Variants in VWA8 observed in about 807,000 individuals in gnomAD.
VWA8 encodes the protein von Willebrand factor A domain-containing protein 8.
Under a neutral mutation model 241.5 loss-of-function variants are expected in VWA8, and 221 were observed. The observed-to-expected ratio is 0.91, with a 90% CI of 0.82 to 1.02. The LOEUF is 1.02. Ranked by LOEUF, VWA8 falls within the 50% of genes least tolerant of loss-of-function variation. The pLI is 0.00. For synonymous variants in VWA8, 852 were observed against 827.1 expected (o/e 1.03, Z -0.52); for missense variants, 2,322 against 2,328.7 (o/e 1.00, Z 0.06).
At chr13:41,949,031 TAAAAAAAAAAAAAA>T (rs35506856) in intron 2 of VWA8, among the ~76,000 whole-genome samples, 1 of 63,390 alleles carries the variant, frequency 1.6e-5, no homozygotes, top group Non-Finnish European at 2.9e-5. Flanking sequence ...TCTACCATCA[TAAAAAAAAAAAAAA>T]AAAAAAAAAA....
At position 41,948,822 on chromosome 13, in the gene VWA8, T is replaced by A. The variant is rs1195707191; in HGVS notation, c.241+1114A>T. Among the ~76,000 whole-genome samples the A allele has an allele frequency of 2.0e-5, 3 of 152,072 alleles. No homozygotes were observed. The South Asian group carries it at 6.2e-4, about 32-fold the overall frequency. ...TTCAAATGAAAGCCATCCAAATGTC[T>A]ATCAATAGGAGAATGGATAAACAAA... is the stretch of plus-strand genomic sequence containing the variant. On this transcript the variant is annotated intron_variant, in intron 2 of 44. Coordinates refer to ENST00000379310, the MANE Select transcript of VWA8 (RefSeq NM_015058.2).
Position 41,918,337 on chromosome 13 carries a change from T to C in VWA8, c.242-6169A>G, listed in dbSNP as rs543856228. On this transcript the variant is annotated intron_variant, in intron 2 of 44. Coordinates refer to ENST00000379310, the MANE Select transcript of VWA8 (RefSeq NM_015058.2). ...AGCACAGTGCTCAGCACAGAGAAGA[T>C]ATTCAGCTTTTCTTAAAATTGGAAA... Among the ~76,000 whole-genome samples, 12 of 152,240 alleles carry C rather than the reference T, an allele frequency of 7.9e-5. No individual in the cohort carries two copies. In the East Asian group the frequency reaches 1.7e-3, roughly 22 times the overall value.
intron 13 of VWA8, 107 bp from the exon 14 acceptor site, chr13:41,830,749 G>A (rs752292172): frequency 2.6e-5 from 24 of 918,660 alleles, no homozygotes; most frequent in Non-Finnish European, 3.4e-5. Context: ...TGGCAATTGA[G>A]TCTAATAATT....
chr13:41,684,736 G>C (rs1203803836), intron 35 of VWA8, among the ~76,000 whole-genome samples: 1 of 152,134 alleles, frequency 6.6e-6, no homozygotes, highest in African/African-American at 2.4e-5. Context: ...ACAAAAGGCA[G>C]GCCTCAGTTT....
At chr13:41,574,659 A>G (rs915869189) in intron 43 of VWA8, among the ~76,000 whole-genome samples, 3 of 152,188 alleles carry the variant, frequency 2.0e-5, no homozygotes, top group African/African-American at 7.2e-5. Flanking sequence ...ATCACATTAC[A>G]GGGCTTTAAA....
chr13:41,664,205 A>G (rs745394063), intron 37 of VWA8, among the ~76,000 whole-genome samples: 1 of 152,084 alleles, frequency 6.6e-6, no homozygotes, highest in Non-Finnish European at 1.5e-5. Context: ...TATAAATTCT[A>G]GCCGGAAATC....
At chr13:41,634,937 T>C (rs1362620915) in intron 37 of VWA8, among the ~76,000 whole-genome samples, 1 of 152,180 alleles carries the variant, frequency 6.6e-6, no homozygotes, top group African/African-American at 2.4e-5. Flanking sequence ...CTTGATGTCA[T>C]GGAAGAAACA....
chr13:41,926,479 G>A (rs1483262696), intron 2 of VWA8: 12 of 525,752 alleles, frequency 2.3e-5, no homozygotes, highest in East Asian at 9.9e-5. Context: ...GAATTGCTCC[G>A]GAACTCTATC....
At chr13:41,767,500 C>T (rs2045786994) in intron 20 of VWA8, among the ~76,000 whole-genome samples, 1 of 152,104 alleles carries the variant, frequency 6.6e-6, no homozygotes, top group Non-Finnish European at 1.5e-5. Flanking sequence ...TGCTAATGAT[C>T]ACTGGAAATT....
chr13:41,904,615 G>T (rs1875615449), intron 4 of VWA8, among the ~76,000 whole-genome samples: 1 of 152,048 alleles, frequency 6.6e-6, no homozygotes, highest in African/African-American at 2.4e-5. Context: ...GCAATCAAAA[G>T]CTGTATGCTT....
chr13:41,692,291 A>T (rs888857893), intron 30 of VWA8, among the ~76,000 whole-genome samples: 2 of 149,068 alleles, frequency 1.3e-5, no homozygotes, highest in African/African-American at 5.2e-5. Context: ...TTATGACATT[A>T]AAAAAAATCA....
Position 41,689,429 on chromosome 13 carries a change from C to CT in VWA8, c.4055dup (p.Ile1353AspfsTer11). ...AGAGAATTCTGTTGGGAGAGGCAAT[C>CT]TTTTGTTCCACAGCTGAACTTAGAT... On this transcript the variant is annotated frameshift_variant, in exon 34 of 45. Coordinates refer to ENST00000379310, the MANE Select transcript of VWA8 (RefSeq NM_015058.2). LOFTEE classifies it high-confidence loss of function. 1 of 1,612,104 alleles carries CT rather than the reference C, an allele frequency of 6.2e-7. No individual in the cohort carries two copies. Among genetic ancestry groups the CT allele is most frequent in the Non-Finnish European group, 8.5e-7 (1 of 1,179,152 alleles).
chr13:41,868,946 A>AT (rs757393432), intron 9 of VWA8, among the ~76,000 whole-genome samples: 3 of 151,492 alleles, frequency 2.0e-5, no homozygotes, highest in African/African-American at 4.8e-5. Flanking sequence ...GTTAACGAAA[A>AT]TTTTTTTCTA....
chr13:41,877,714 T>G (rs186859746), intron 9 of VWA8, among the ~76,000 whole-genome samples: 1 of 152,250 alleles, frequency 6.6e-6, no homozygotes, highest in African/African-American at 2.4e-5. Context: ...ACTGTTATGA[T>G]GCAGTCTTAA....
chr13:41,698,074 C>A (rs932100669), intron 29 of VWA8, among the ~76,000 whole-genome samples: 16 of 152,184 alleles, frequency 1.1e-4, no homozygotes, highest in African/African-American at 3.6e-4. Flanking sequence ...ACAATCCCTG[C>A]CTGCCTTATT....
chr13:41,855,327 TATATA>T (rs1416708591), intron 12 of VWA8, among the ~76,000 whole-genome samples: 90 of 145,172 alleles, frequency 6.2e-4, no homozygotes, highest in African/African-American at 2.1e-3. Context: ...TATTTATATA[TATATA>T]ATATATAATA....
At chr13:41,836,154 T>C (rs561322833) in intron 12 of VWA8, among the ~76,000 whole-genome samples, 1 of 152,308 alleles carries the variant, frequency 6.6e-6, no homozygotes, top group South Asian at 2.1e-4. Flanking sequence ...TACCCTTCCT[T>C]GTTCTAATAT....
chr13:41,613,372 T>A (rs1172850205), intron 38 of VWA8, among the ~76,000 whole-genome samples: 2 of 152,198 alleles, frequency 1.3e-5, no homozygotes, highest in Non-Finnish European at 2.9e-5. Flanking sequence ...GGCCAGCCAA[T>A]AGGCAGAGGG....
At chr13:41,759,394 T>C (rs1050524175) in intron 21 of VWA8, among the ~76,000 whole-genome samples, 1 of 151,692 alleles carries the variant, frequency 6.6e-6, no homozygotes, top group African/African-American at 2.4e-5. Flanking sequence ...TTATATGCTA[T>C]GTAGTGTTTT....
Sources: allele counts gnomAD v4.1 joint callset (sites outside exome capture counted in the v4.1 genomes callset), GRCh38; gene constraint gnomAD v4.1.1; transcripts MANE v1.5; gene names NCBI Gene and HGNC (gene_info 2026-07-23, HGNC 2026-07-21).